The following ABCG4 variants were observed in gnomAD, a reference collection of about 807,000 sequenced individuals.
ABCG4 encodes the protein ATP-binding cassette sub-family G member 4.
Under a neutral mutation model 64.6 loss-of-function variants are expected in ABCG4, and 35 were observed. The observed-to-expected ratio is 0.54, with a 90% confidence interval of 0.41 to 0.72. The LOEUF is 0.72. Ranked by LOEUF, ABCG4 falls within the 30% of genes least tolerant of loss-of-function variation. The pLI, the probability that ABCG4 is intolerant of heterozygous loss-of-function variation, is 0.00. For missense variants in ABCG4, 610 were observed against 846.3 expected (o/e 0.72, Z 3.46); for synonymous variants, 326 against 348.2 (o/e 0.94, Z 0.71).
Position 119,158,935 on chromosome 11 carries a change from C to T in ABCG4, c.1437+6C>T. 1 of 1,613,184 alleles carries T rather than the reference C, an allele frequency of 6.2e-7. No individual in the cohort carries two copies. The highest frequency in any genetic ancestry group is 8.5e-7 in the Non-Finnish European group (1 of 1,179,264). On this transcript the variant is annotated splice_donor_region_variant and intron_variant, in intron 12 of 14. Transcript: ENST00000619701. The surrounding 1 kb of genome is among the most constrained non-coding windows in gnomAD (Gnocchi z 4.5). Reference sequence around the variant, plus strand: ...TGGCTGACGTGCCCTTTCAGGTGGGCCTCTTCCTCCCACCTGCCCACTGCC... The same window carrying T: ...TGGCTGACGTGCCCTTTCAGGTGGGTCTCTTCCTCCCACCTGCCCACTGCC...
Position 119,156,229 on chromosome 11 carries a change from C to A in ABCG4, c.687-100C>A, listed in dbSNP as rs1347514272. 1 of 1,527,742 alleles carries A rather than the reference C, an allele frequency of 6.5e-7. No homozygotes were observed. Among genetic ancestry groups the A allele is most frequent in the South Asian group, 1.2e-5 (1 of 83,682 alleles). 94.6% of individuals were successfully genotyped at this position (1,527,742 alleles called of 1,614,324 possible). ...ATGCGGCCAGAGTGCCCTCTTCCTGCCAGCTTCATCCCCTTCACAGCAGCT... is the reference window on the plus strand; with the variant it reads ...ATGCGGCCAGAGTGCCCTCTTCCTGACAGCTTCATCCCCTTCACAGCAGCT... On this transcript the variant is annotated intron_variant, in intron 6 of 14. Coordinates refer to ENST00000619701, the MANE Select transcript of ABCG4 (RefSeq NM_022169.5). The surrounding 1 kb of genome is among the most constrained non-coding windows in gnomAD (Gnocchi z 5.5).
rs1948241224 is a variant in ABCG4 at position 119,154,627 on chromosome 11, G to A, written c.540+52G>A. 4 of 1,605,826 alleles carry A rather than the reference G, an allele frequency of 2.5e-6. No homozygotes were observed. Among genetic ancestry groups the A allele is most frequent in the East Asian group, 4.5e-5 (2 of 44,810 alleles). On this transcript the variant is annotated intron_variant, in intron 5 of 14. Transcript: ENST00000619701. The surrounding 1 kb of genome is among the most constrained non-coding windows in gnomAD (Gnocchi z 7.0). Reference sequence around the variant, plus strand: ...CCACTCCCTTTTGTGGTGCTGCTGAGCTCAAGGCCCCGAGCTGGGAGTGGG... The same window carrying A: ...CCACTCCCTTTTGTGGTGCTGCTGAACTCAAGGCCCCGAGCTGGGAGTGGG...
chr11:119,156,175 TC>T lies in ABCG4; in HGVS notation c.687-152del, dbSNP rs1422637641. The T allele has an allele frequency of 5.0e-6, 5 of 996,770 alleles. No homozygotes were observed. The African/African-American group carries it at 6.5e-5, about 13-fold the overall frequency. 61.7% of individuals were successfully genotyped at this position (996,770 alleles called of 1,614,324 possible). A position where few individuals can be genotyped will look rare whatever the true frequency, so the allele number is the denominator to read the frequency against. ...AGTGCTCTTGGCTTCTGGGTATCCCTCCAAGTGCCTGAACCGTAAAGGATAC... is the reference window on the plus strand; with the variant it reads ...AGTGCTCTTGGCTTCTGGGTATCCCTCAAGTGCCTGAACCGTAAAGGATAC... On this transcript the variant is annotated intron_variant, in intron 6 of 14. Coordinates refer to ENST00000619701, the MANE Select transcript of ABCG4 (RefSeq NM_022169.5). This position sits in a 1 kb window ranked among gnomAD's most constrained non-coding sequence, Gnocchi z 5.5.
intron 2 of ABCG4, among the ~76,000 whole-genome samples, chr11:119,151,069 C>T (rs1948188360): frequency 1.3e-5 from 2 of 152,230 alleles, no homozygotes; most frequent in African/African-American, 2.4e-5. Flanking sequence ...CAAACCCTCA[C>T]TCCCATGAGT....
At chr11:119,157,109 C>T in intron 9 of ABCG4, 95 bp downstream of exon 9, 1 of 1,483,360 alleles carries the variant, frequency 6.7e-7, no homozygotes, top group South Asian at 1.4e-5. Context: ...TCCCCAGAGG[C>T]ATTGCAACCA....
Position 119,158,566 on chromosome 11 carries a change from C to G in ABCG4, c.1177C>G (p.His393Asp). 1.9e-6 allele frequency: 3 copies of G among 1,614,224 alleles called. No individual in the cohort carries two copies. The highest frequency in any genetic ancestry group is 2.5e-6 in the Non-Finnish European group (3 of 1,180,024). ...LSILRDTVLT[H>D]LRFMSHVVIG... ...GATGACCCCTCCCAAGGTCCTGACC[C>G]ACCTACGGTTCATGTCCCACGTGGT... Residue 393 changes from histidine (H) to aspartate (D), a missense_variant, in exon 11 of 15, where the codon CAC (histidine) becomes GAC (aspartate). His to Asp is a moderately conservative substitution (Grantham distance 81, BLOSUM62 -1). Coordinates refer to ENST00000619701, the MANE Select transcript of ABCG4 (RefSeq NM_022169.5). The surrounding 1 kb of genome is among the most constrained non-coding windows in gnomAD (Gnocchi z 4.5).
rs768224555 is a variant in ABCG4, at chr11:119,154,339, A to T, written c.436A>T (p.Ile146Phe). Residue 146 changes from isoleucine (I) to phenylalanine (F), a missense_variant, in exon 4 of 15, where the codon ATC (isoleucine) becomes TTC (phenylalanine). Coordinates refer to ENST00000619701, the MANE Select transcript of ABCG4 (RefSeq NM_022169.5). The surrounding 1 kb of genome is among the most constrained non-coding windows in gnomAD (Gnocchi z 7.0). ...LRTFRKMSCY[I>F]MQDDMLLPHL... ...GACCTTCCGCAAGATGTCCTGCTAC[A>T]TCATGCAAGATGACATGCTGCTGCC... 6.2e-7 allele frequency: 1 copy of T among 1,614,214 alleles called. No homozygotes were observed. The highest frequency in any genetic ancestry group is 8.5e-7 in the Non-Finnish European group (1 of 1,180,040).
At position 119,156,362 on chromosome 11, in the gene ABCG4, G is replaced by A. The variant is rs760375184; in HGVS notation, c.720G>A (p.Val240=). 3.7e-6 allele frequency: 6 copies of A among 1,614,152 alleles called. No individual in the cohort carries two copies. The South Asian group carries it at 4.4e-5, about 12-fold the overall frequency. The part of the protein sequence containing the change: ...GLDSASCFQV[V]SLMKSLAQGG... ...ATAGCGCCTCTTGTTTCCAAGTGGT[G>A]TCCCTCATGAAGTCCCTGGCACAGG... is the stretch of plus-strand genomic sequence containing the variant. Residue 240 remains valine, a synonymous_variant, in exon 7 of 15, where the codon GTG becomes GTA. Transcript: ENST00000619701. The surrounding 1 kb of genome is among the most constrained non-coding windows in gnomAD (Gnocchi z 5.5).
Position 119,154,708 on chromosome 11 carries a change from G to C in ABCG4, c.541-62G>C. On this transcript the variant is annotated intron_variant, in intron 5 of 14. Transcript: ENST00000619701. The surrounding 1 kb of genome is among the most constrained non-coding windows in gnomAD (Gnocchi z 7.0). ...TTAAGGGAGATGCTTTTTGAAGCTG[G>C]GGTGGTGCCTGGGGGAAGCAGAGAC... The C allele has an allele frequency of 6.3e-7, 1 of 1,587,462 alleles. No individual in the cohort carries two copies. The highest frequency in any genetic ancestry group is 8.6e-7 in the Non-Finnish European group (1 of 1,163,902).
At position 119,156,399 on chromosome 11, in the gene ABCG4, A is replaced by G. The variant is rs1183376841; in HGVS notation, c.757A>G (p.Ile253Val). 2 of 1,614,002 alleles carry G rather than the reference A, an allele frequency of 1.2e-6. No homozygotes were observed. The highest frequency in any genetic ancestry group is 1.3e-5 in the African/African-American group (1 of 74,894). Residue 253 changes from isoleucine (I) to valine (V), a missense_variant, in exon 7 of 15, where the codon ATC becomes GTC. Coordinates refer to ENST00000619701, the MANE Select transcript of ABCG4 (RefSeq NM_022169.5). The surrounding 1 kb of genome is among the most constrained non-coding windows in gnomAD (Gnocchi z 5.5). ...MKSLAQGGRT[I>V]ICTIHQPSAK... ...GTCCCTGGCACAGGGGGGCCGTACC[A>G]TCATCTGCACCATCCACCAGCCCAG... is the stretch of plus-strand genomic sequence containing the variant.
rs1215335314 is a variant in ABCG4 at position 119,154,436 on chromosome 11, T to G, written c.489+44T>G. The G allele has an allele frequency of 1.2e-6, 2 of 1,614,096 alleles. No individual in the cohort carries two copies. On this transcript the variant is annotated intron_variant, in intron 4 of 14. Transcript: ENST00000619701. This position sits in a 1 kb window ranked among gnomAD's most constrained non-coding sequence, Gnocchi z 7.0. ...CCCCTCCTCCCAGCAACCCCCTCTG[T>G]CTGCTGTCGCCACCTTCACCATTGG... is the stretch of plus-strand genomic sequence containing the variant.
chr11:119,160,362 G>A lies in ABCG4; in HGVS notation c.1573G>A (p.Gly525Arg), dbSNP rs764136296. The A allele has an allele frequency of 6.2e-6, 10 of 1,611,524 alleles. No individual in the cohort carries two copies. The highest frequency in any genetic ancestry group is 4.5e-5 in the East Asian group (2 of 44,778). Residue 525 changes from glycine (G) to arginine (R), a missense_variant, in exon 13 of 15, where the codon GGA becomes AGA. Gly to Arg is a moderately radical substitution (Grantham distance 125). Transcript: ENST00000619701. This position sits in a 1 kb window ranked among gnomAD's most constrained non-coding sequence, Gnocchi z 4.6. ...LVAQSLGLLIGAASNSLQVAT... is the reference protein window; with the variant it reads ...LVAQSLGLLIRAASNSLQVAT... ...GGCCCAATCTTTGGGGCTGCTGATC[G>A]GAGCTGCTTCCAACTCCCTACAGGT...
At position 119,150,182 on chromosome 11, in the gene ABCG4, G is replaced by A. The variant is rs751142020; in HGVS notation, c.217G>A (p.Gly73Arg). ...GGAGCTGTCCTATTCCGTGCGGGAG[G>A]GGCCCTGCTGGCGCAAAAGGGGTAG... Reference protein sequence around the residue: ...FVELSYSVREGPCWRKRGYKT... With the variant: ...FVELSYSVRERPCWRKRGYKT... Residue 73 changes from glycine to arginine, a missense_variant, in exon 2 of 15, where the codon GGG becomes AGG. Coordinates refer to ENST00000619701, the MANE Select transcript of ABCG4 (RefSeq NM_022169.5). This position sits in a 1 kb window ranked among gnomAD's most constrained non-coding sequence, Gnocchi z 4.3. The A allele has an allele frequency of 1.1e-5, 17 of 1,613,838 alleles. No individual in the cohort carries two copies. The African/African-American group carries it at 1.7e-4, about 16-fold the overall frequency.
rs1398632499 is a variant in ABCG4, at chr11:119,150,143, G to T, written c.178G>T (p.Asp60Tyr). Reference protein sequence around the residue: ...FSHLPKRSAVDIEFVELSYSV... With the variant: ...FSHLPKRSAVYIEFVELSYSV... Reference sequence around the variant, plus strand: ...CCACCTACCCAAGCGCTCAGCCGTGGACATCGAGTTCGTGGAGCTGTCCTA... The same window carrying T: ...CCACCTACCCAAGCGCTCAGCCGTGTACATCGAGTTCGTGGAGCTGTCCTA... The change falls in exon 2 of 15, where the codon GAC becomes TAC. Residue 60 changes from aspartate to tyrosine, a missense_variant. By Grantham distance (160) the Asp-to-Tyr change is radical. Coordinates refer to ENST00000619701, the MANE Select transcript of ABCG4 (RefSeq NM_022169.5). This position sits in a 1 kb window ranked among gnomAD's most constrained non-coding sequence, Gnocchi z 4.3. 1 of 1,614,078 alleles carries T rather than the reference G, an allele frequency of 6.2e-7. No individual in the cohort carries two copies. The highest frequency in any genetic ancestry group is 8.5e-7 in the Non-Finnish European group (1 of 1,180,034).
intron 2 of ABCG4, 46 bp from the exon 3 acceptor site, chr11:119,153,980 C>T: frequency 6.4e-7 from 1 of 1,553,212 alleles, no homozygotes; most frequent in Non-Finnish European, 8.9e-7. Context: ...GGGGGTACCT[C>T]TGTTCACTGC....
chr11:119,160,636 C>T lies in ABCG4; in HGVS notation c.1695C>T (p.Ser565=), dbSNP rs772198391. 9.9e-6 allele frequency: 16 copies of T among 1,613,406 alleles called. 1 individual carries two copies. In the South Asian group the frequency reaches 1.8e-4, roughly 18 times the overall value. ...CCATCCCCACTTACCTGCAATGGAG[C>T]TCCTATCTCTCCTATGTCAGGTCAG... The part of the protein sequence containing the change: ...FKTIPTYLQW[S]SYLSYVRYGF... Residue 565 remains serine (S), a synonymous_variant, in exon 14 of 15, where the codon AGC becomes AGT. Coordinates refer to ENST00000619701, the MANE Select transcript of ABCG4 (RefSeq NM_022169.5). This position sits in a 1 kb window ranked among gnomAD's most constrained non-coding sequence, Gnocchi z 4.6.
intron 12 of ABCG4, among the ~76,000 whole-genome samples, chr11:119,159,494 C>G (rs1397261905): frequency 6.6e-6 from 1 of 152,216 alleles, no homozygotes; most frequent in Non-Finnish European, 1.5e-5. Context: ...AAATCACTCT[C>G]TTTGCTAAAG....
chr11:119,158,568 C>T lies in ABCG4; in HGVS notation c.1179C>T (p.His393=), dbSNP rs768567393. 1.3e-5 allele frequency: 21 copies of T among 1,614,100 alleles called. No individual in the cohort carries two copies. The highest frequency in any genetic ancestry group is 1.8e-5 in the Non-Finnish European group (21 of 1,180,034). ...TGACCCCTCCCAAGGTCCTGACCCACCTACGGTTCATGTCCCACGTGGTTA... is the reference window on the plus strand; with the variant it reads ...TGACCCCTCCCAAGGTCCTGACCCATCTACGGTTCATGTCCCACGTGGTTA... ...LSILRDTVLT[H]LRFMSHVVIG... is the part of the protein sequence containing the mutation. Residue 393 remains histidine (H), a synonymous_variant, in exon 11 of 15, where the codon CAC becomes CAT. Coordinates refer to ENST00000619701, the MANE Select transcript of ABCG4 (RefSeq NM_022169.5). This position sits in a 1 kb window ranked among gnomAD's most constrained non-coding sequence, Gnocchi z 4.5.
At position 119,158,877 on chromosome 11, in the gene ABCG4, AC is replaced by A. The variant is rs755974610; in HGVS notation, c.1386del (p.Tyr462Ter). ...VFMREHLNYW[Y>X]SLKAYYLAKT... ...ATGAGGGAGCACCTCAACTACTGGT[AC>A]AGCCTCAAAGCGTATTACCTGGCCA... On this transcript the variant is annotated frameshift_variant, in exon 12 of 15. Coordinates refer to ENST00000619701, the MANE Select transcript of ABCG4 (RefSeq NM_022169.5). LOFTEE classifies it high-confidence loss of function. This position sits in a 1 kb window ranked among gnomAD's most constrained non-coding sequence, Gnocchi z 4.5. 1 of 1,614,208 alleles carries A rather than the reference AC, an allele frequency of 6.2e-7. No homozygotes were observed. The highest frequency in any genetic ancestry group is 1.7e-5 in the Admixed American group (1 of 60,036).
Sources: gnomAD v4.1 joint callset for allele counts (sites outside exome capture counted in the v4.1 genomes callset) on GRCh38, gnomAD v4.1.1 for gene constraint, Gnocchi (gnomAD v3.1) non-coding constraint, MANE v1.5 for transcripts, NCBI Gene and HGNC (gene_info 2026-07-23, HGNC 2026-07-21) for gene names.